The following HOMER2 variants were observed in gnomAD, a reference collection of about 807,000 sequenced individuals.
HOMER2 encodes the protein homer scaffold protein 2.
Under a neutral mutation model 47.0 loss-of-function variants are expected in HOMER2, and 27 were observed. The observed-to-expected ratio is 0.57, with a 90% confidence interval of 0.42 to 0.79. The LOEUF (loss-of-function observed/expected upper bound fraction) is 0.79, where lower values mean the gene tolerates loss of function less well. Among genes scored for constraint, HOMER2 ranks in the 30% least tolerant of loss-of-function variants. The pLI, the probability that HOMER2 is intolerant of heterozygous loss-of-function variation, is 0.00. For synonymous variants in HOMER2, 161 were observed against 163.8 expected, an observed-to-expected ratio of 0.98 and a Z score of 0.13; for missense variants, 443 against 435.0, an observed-to-expected ratio of 1.02 and a Z score of -0.16.
intron 2 of HOMER2, among the ~76,000 whole-genome samples, chr15:82,876,779 T>C (rs369425235): frequency 6.6e-6 from 1 of 152,252 alleles, no homozygotes; most frequent in Non-Finnish European, 1.5e-5. Context: ...AAAGTTTGAA[T>C]GGCATAGGGC....
intron 1 of HOMER2, among the ~76,000 whole-genome samples, chr15:82,905,769 A>G (rs998056995): frequency 6.6e-6 from 1 of 152,194 alleles, no homozygotes; most frequent in Non-Finnish European, 1.5e-5. Flanking sequence ...ATATACAAAA[A>G]TGGATGCAGT....
chr15:82,875,353 GTGACGTTTTGGTGAAGGT>G lies in HOMER2; in HGVS notation c.196_213del (p.Thr66_Ser71del). On this transcript the variant is annotated inframe_deletion, in exon 3 of 9. Coordinates refer to ENST00000450735, the MANE Select transcript of HOMER2 (RefSeq NM_004839.4). ...CTGTCGGCCCACTGCCCAAACTTCT[GTGACGTTTTGGTGAAGGT>G]CATATTCGGTGTGATTGTGCTGTTT... 1 of 1,613,958 alleles carries G rather than the reference GTGACGTTTTGGTGAAGGT, an allele frequency of 6.2e-7. No homozygotes were observed. Among genetic ancestry groups the G allele is most frequent in the Non-Finnish European group, 8.5e-7 (1 of 1,179,852 alleles).
At chr15:82,859,292 T>C in intron 4 of HOMER2, 157 bp from the exon 5 acceptor site, 1 of 915,006 alleles carries the variant, frequency 1.1e-6, no homozygotes, top group East Asian at 2.7e-5. Context: ...CAGCAAAGAC[T>C]AACAAGTTTT....
At chr15:82,923,758 C>T (rs572056360) in intron 1 of HOMER2, among the ~76,000 whole-genome samples, 10 of 152,262 alleles carry the variant, frequency 6.6e-5, no homozygotes, top group Non-Finnish European at 1.2e-4. Context: ...CTGACCCTCT[C>T]GGCTCCTGGC....
At chr15:82,894,700 T>C (rs1002873539) in intron 1 of HOMER2, among the ~76,000 whole-genome samples, 15 of 151,898 alleles carry the variant, frequency 9.9e-5, no homozygotes, top group Middle Eastern at 3.4e-3. Context: ...AGTCCCATTG[T>C]TTATAAAATG....
At chr15:82,933,582 T>A (rs1596366602) in intron 1 of HOMER2, among the ~76,000 whole-genome samples, 1 of 152,140 alleles carries the variant, frequency 6.6e-6, no homozygotes, top group Non-Finnish European at 1.5e-5. Flanking sequence ...CACAGAAACA[T>A]GCCCAGACCC....
intron 1 of HOMER2, among the ~76,000 whole-genome samples, chr15:82,927,825 C>T (rs2151187425): frequency 1.3e-5 from 2 of 152,192 alleles, no homozygotes; most frequent in South Asian, 4.1e-4. Flanking sequence ...AAAAAATTAG[C>T]CGGGCATAGT....
In HOMER2 at chr15:82,913,371, G is replaced by A. The variant is rs1040497157; in HGVS notation, c.6-20530C>T. ...TAGTCTGATCATCTTGAAGAAGCCT[G>A]AGCTACACGGAGAGGGTAGCTCCAG... On this transcript the variant is annotated intron_variant, in intron 1 of 8. Transcript: ENST00000450735. The surrounding 1 kb of genome is among the most constrained non-coding windows in gnomAD (Gnocchi z 4.1). Among the ~76,000 whole-genome samples the A allele has an allele frequency of 6.6e-6, 1 of 151,888 alleles. No homozygotes were observed. The highest frequency in any genetic ancestry group is 1.5e-5 in the Non-Finnish European group (1 of 68,002).
At chr15:82,892,372 C>T (rs2052739070) in intron 2 of HOMER2, among the ~76,000 whole-genome samples, 1 of 152,178 alleles carries the variant, frequency 6.6e-6, no homozygotes, top group Admixed American at 6.5e-5. Context: ...ATATTTGGTA[C>T]ATGAAGATGC....
At chr15:82,927,806 A>C (rs6603036) in intron 1 of HOMER2, among the ~76,000 whole-genome samples, 4,454 of 152,048 alleles carry the variant, frequency 0.029, 199 homozygotes, top group African/African-American at 0.1. Flanking sequence ...CCCCATCTCT[A>C]CTAAATACAA....
chr15:82,966,295 C>T (rs544614622), intron 1 of HOMER2, among the ~76,000 whole-genome samples: 32 of 151,738 alleles, frequency 2.1e-4, no homozygotes, highest in East Asian at 3.9e-4. Context: ...CACTAAAACA[C>T]GGAGAAAGAG....
intron 4 of HOMER2, among the ~76,000 whole-genome samples, chr15:82,863,662 G>C (rs2051866489): frequency 6.6e-6 from 1 of 152,202 alleles, no homozygotes; most frequent in South Asian, 2.1e-4. Context: ...GATTAAAATA[G>C]GTCCTTTTCA....
At position 82,961,499 on chromosome 15, in the gene HOMER2, G is replaced by T. The variant is rs189034258; in HGVS notation, n.83-2191C>A. Among the ~76,000 whole-genome samples the T allele has an allele frequency of 1.2e-4, 18 of 152,314 alleles. No homozygotes were observed. In the East Asian group the frequency reaches 3.3e-3, roughly 28 times the overall value. The stretch of plus-strand genomic sequence containing the variant: ...CTTCTTCAAAACTATCACAAAAGCT[G>T]AGTGTTCAATCTACTTTACTCAAGT... On this transcript the variant is annotated intron_variant and non_coding_transcript_variant, in intron 1 of 1. Transcript: ENST00000500334.
intron 1 of HOMER2, among the ~76,000 whole-genome samples, chr15:82,899,536 G>A (rs1182587228): frequency 2.0e-5 from 3 of 152,178 alleles, no homozygotes; most frequent in African/African-American, 7.2e-5. Flanking sequence ...CAAGCATATT[G>A]GAGTTCTACT....
chr15:82,957,444 G>A (rs1302766856), upstream of HOMER2, among the ~76,000 whole-genome samples: 3 of 152,230 alleles, frequency 2.0e-5, no homozygotes, highest in African/African-American at 7.2e-5. Flanking sequence ...AATTAATATT[G>A]TCAAAATGGT....
upstream of HOMER2, among the ~76,000 whole-genome samples, chr15:82,954,361 G>A (rs188233127): frequency 3.6e-4 from 54 of 151,564 alleles, 1 homozygote; most frequent in Non-Finnish European, 3.4e-4. Flanking sequence ...GCAGTGGCGT[G>A]ATCTCGGCTC....
chr15:82,875,437 A>C lies in HOMER2; in HGVS notation c.163-33T>G, dbSNP rs750379558. ...AAAACAGCCCAAAGAGTGAAAATTT[A>C]AATGTTGAATGAGACAAAGTCATTC... is the stretch of plus-strand genomic sequence containing the variant. On this transcript the variant is annotated intron_variant, in intron 2 of 8. Coordinates refer to ENST00000450735, the MANE Select transcript of HOMER2 (RefSeq NM_004839.4). 1.9e-6 allele frequency: 3 copies of C among 1,611,384 alleles called. No homozygotes were observed. In the African/African-American group the frequency reaches 4.0e-5, roughly 22 times the overall value.
intron 3 of HOMER2, among the ~76,000 whole-genome samples, chr15:82,868,523 T>TTTTATATATATATATA (rs1453193520): frequency 8.2e-5 from 3 of 36,646 alleles, no homozygotes; most frequent in African/African-American, 1.1e-4. Context: ...CTTATTTATT[T>TTTTATATATATATATA]TATATATATA....
exon 2 of HOMER2, chr15:82,838,792 G>C (rs906873332): frequency 6.6e-5 from 10 of 152,300 alleles, no homozygotes; most frequent in African/African-American, 2.2e-4. Context: ...GTGGAACAGG[G>C]GCTCAAAAAT....
Sources: gnomAD v4.1 joint callset for allele counts (sites outside exome capture counted in the v4.1 genomes callset) on GRCh38, gnomAD v4.1.1 for gene constraint, Gnocchi (gnomAD v3.1) non-coding constraint, MANE v1.5 for transcripts, NCBI Gene and HGNC (gene_info 2026-07-23, HGNC 2026-07-21) for gene names.